The following THRB variants were observed in gnomAD, a reference collection of about 807,000 sequenced individuals.
THRB encodes the protein thyroid hormone receptor beta, also known as nuclear receptor subfamily 1 group A member 2.
Under a neutral mutation model 47.8 loss-of-function variants are expected in THRB, and 12 were observed. That is an observed-to-expected ratio of 0.25 (90% confidence interval 0.16 to 0.41). The LOEUF (loss-of-function observed/expected upper bound fraction) is 0.41, where lower values mean the gene tolerates loss of function less well. Ranked by LOEUF, THRB falls within the 10% of genes least tolerant of loss-of-function variation. The probability of loss-of-function intolerance (pLI) is 1.00; values close to 1 mark genes in which losing one functional copy is unlikely to be tolerated. For missense variants in THRB, 348 were observed against 589.2 expected, an observed-to-expected ratio of 0.59 and a Z score of 4.24; for synonymous variants, 218 against 212.2, an observed-to-expected ratio of 1.03 and a Z score of -0.24.
At chr3:24,237,343 C>T in intron 3 of THRB, among the ~76,000 whole-genome samples, 1 of 152,164 alleles carries the variant, frequency 6.6e-6, no homozygotes, top group East Asian at 1.9e-4. Flanking sequence ...GGAAATAATT[C>T]AACCAGGGTC....
At position 24,494,760 on chromosome 3, in the gene THRB, G is replaced by T. The variant is rs1698788269; in HGVS notation, c.-369C>A. 1 of 152,126 alleles carries T rather than the reference G, an allele frequency of 6.6e-6. No homozygotes were observed. Among genetic ancestry groups the T allele is most frequent in the Non-Finnish European group, 1.5e-5 (1 of 68,076 alleles). The allele number at this position is 152,126 out of a possible 1,614,324, so 9.4% of individuals were successfully genotyped here. On this transcript the variant is annotated 5_prime_UTR_variant, in exon 1 of 11. Transcript: ENST00000646209. ...GCCTGCGGGCTCTTGCCCCGAGCCC[G>T]CGGAGCAGGAGGTCTCTTTTCCAAG...
chr3:24,488,619 ATT>A (rs997118070), intron 1 of THRB, among the ~76,000 whole-genome samples: 1 of 151,686 alleles, frequency 6.6e-6, no homozygotes, highest in Non-Finnish European at 1.5e-5. Flanking sequence ...GATGTCAATG[ATT>A]TGCACATTGT....
At chr3:24,465,862 A>G (rs991321998) in intron 1 of THRB, among the ~76,000 whole-genome samples, 3 of 152,136 alleles carry the variant, frequency 2.0e-5, no homozygotes, top group Non-Finnish European at 4.4e-5. Flanking sequence ...TTTTTATTAA[A>G]TTTATACTTT....
chr3:24,291,749 C>T (rs2150981363), intron 3 of THRB, among the ~76,000 whole-genome samples: 1 of 152,196 alleles, frequency 6.6e-6, no homozygotes, highest in East Asian at 1.9e-4. Context: ...ACATTTCTTG[C>T]AAAATATAAC....
intron 1 of THRB, among the ~76,000 whole-genome samples, chr3:24,482,205 T>C (rs758798887): frequency 2.6e-5 from 4 of 152,224 alleles, no homozygotes; most frequent in African/African-American, 4.8e-5. Flanking sequence ...ACTTCCGTAA[T>C]AATGAAATAG....
intron 1 of THRB, among the ~76,000 whole-genome samples, chr3:24,476,555 T>A (rs1695474754): frequency 6.6e-6 from 1 of 152,158 alleles, no homozygotes; most frequent in Admixed American, 6.6e-5. Context: ...TTCCAAAAAA[T>A]TAGTTGCAAG....
chr3:24,138,722 G>A (rs2035032826), intron 8 of THRB, among the ~76,000 whole-genome samples: 1 of 152,140 alleles, frequency 6.6e-6, no homozygotes, highest in African/African-American at 2.4e-5. Flanking sequence ...TATGCACACA[G>A]ACCAAATATG....
chr3:24,443,731 T>C (rs2071780163), intron 1 of THRB, among the ~76,000 whole-genome samples: 1 of 152,202 alleles, frequency 6.6e-6, no homozygotes, highest in African/African-American at 2.4e-5. Context: ...GAAACTATGA[T>C]ACTCCATATC....
intron 2 of THRB, among the ~76,000 whole-genome samples, chr3:24,308,586 C>T (rs964376852): frequency 5.9e-5 from 9 of 152,060 alleles, no homozygotes; most frequent in East Asian, 1.9e-4. Flanking sequence ...CCTTGTTAAA[C>T]GGGAGAATGG....
Position 24,481,229 on chromosome 3 carries a change from GTTTTTTTTTTT to G in THRB, c.-261+13412_-261+13422del, listed in dbSNP as rs746323691. Among the ~76,000 whole-genome samples the G allele has an allele frequency of 4.5e-3, 248 of 55,376 alleles. 5 individuals carry two copies. In the South Asian group the frequency reaches 0.071, roughly 16 times the overall value. The allele number at this position is 55,376 out of a possible 152,430, so 36.3% of individuals were successfully genotyped here. ...TATATGTGTGGATGCGTTTCTTTCT[GTTTTTTTTTTT>G]TTTTTTTTTTTTTTTTTACGGAAAA... On this transcript the variant is annotated intron_variant, in intron 1 of 10. Coordinates refer to ENST00000646209, the MANE Select transcript of THRB (RefSeq NM_001354712.2).
At chr3:24,353,412 A>T (rs1444944104) in intron 1 of THRB, among the ~76,000 whole-genome samples, 1 of 152,166 alleles carries the variant, frequency 6.6e-6, no homozygotes, top group Non-Finnish European at 1.5e-5. Flanking sequence ...GACATTTGAC[A>T]AGGAAATGAA....
At chr3:24,425,957 C>T (rs2069720252) in intron 1 of THRB, among the ~76,000 whole-genome samples, 2 of 152,056 alleles carry the variant, frequency 1.3e-5, no homozygotes, top group East Asian at 1.9e-4. Context: ...GATTTGAATT[C>T]CCACTCTACC....
intron 1 of THRB, among the ~76,000 whole-genome samples, chr3:24,486,076 C>A (rs1442821941): frequency 6.6e-6 from 1 of 152,144 alleles, no homozygotes; most frequent in Non-Finnish European, 1.5e-5. Context: ...TTTTGCCTCC[C>A]AGTAGACACC....
At chr3:24,439,785 T>G (rs745495950) in intron 1 of THRB, among the ~76,000 whole-genome samples, 5 of 152,208 alleles carry the variant, frequency 3.3e-5, no homozygotes, top group Non-Finnish European at 5.9e-5. Context: ...ATTAAATACC[T>G]TCTCTTCTAC....
At chr3:24,195,455 C>A (rs975806993) in intron 4 of THRB, among the ~76,000 whole-genome samples, 4 of 152,148 alleles carry the variant, frequency 2.6e-5, no homozygotes, top group Admixed American at 2.0e-4. Context: ...TACTTACTAC[C>A]TCATTTAATT....
intron 1 of THRB, among the ~76,000 whole-genome samples, chr3:24,446,158 G>C (rs1271180486): frequency 6.6e-6 from 1 of 152,158 alleles, no homozygotes; most frequent in African/African-American, 2.4e-5. Flanking sequence ...GAAATCAGAA[G>C]CTGGACACAC....
chr3:24,462,156 T>C (rs2073757691), intron 1 of THRB, among the ~76,000 whole-genome samples: 1 of 141,166 alleles, frequency 7.1e-6, no homozygotes, highest in South Asian at 2.4e-4. Flanking sequence ...CATTAGAACA[T>C]AATGGCTAAA....
intron 1 of THRB, among the ~76,000 whole-genome samples, chr3:24,357,991 G>A (rs1188099784): frequency 6.6e-6 from 1 of 151,978 alleles, no homozygotes; most frequent in Non-Finnish European, 1.5e-5. Context: ...TGTCATTTAT[G>A]TCTGTTGACT....
chr3:24,308,766 T>G (rs575065719), intron 2 of THRB, among the ~76,000 whole-genome samples: 1 of 152,232 alleles, frequency 6.6e-6, no homozygotes, highest in African/African-American at 2.4e-5. Context: ...TAATTGAATA[T>G]GTTTTCTTTC....
Sources: allele counts gnomAD v4.1 joint callset (sites outside exome capture counted in the v4.1 genomes callset), GRCh38; gene constraint gnomAD v4.1.1; transcripts MANE v1.5; gene names NCBI Gene and HGNC (gene_info 2026-07-23, HGNC 2026-07-21).